Variants in AMMECR1 observed in about 807,000 individuals in gnomAD.
AMMECR1 encodes AMMECR nuclear protein 1.
AMMECR1 carries 3 observed loss-of-function variants against 22.5 expected under a neutral mutation model. That is an observed-to-expected ratio of 0.13 (90% confidence interval 0.06 to 0.35). The LOEUF is 0.35. Ranked by LOEUF, AMMECR1 falls within the 10% of genes least tolerant of loss-of-function variation. AMMECR1 has a pLI of 1.00. For synonymous variants in AMMECR1, 130 were observed against 116.7 expected, an observed-to-expected ratio of 1.11 and a Z score of -0.74; for missense variants, 235 against 278.7, an observed-to-expected ratio of 0.84 and a Z score of 1.12.
rs201681400 is a variant in AMMECR1 at position 110,224,534 on chromosome X, AG to A, written c.585-7903del. Among the ~76,000 whole-genome samples, 856 of 108,518 alleles carry A rather than the reference AG, an allele frequency of 7.9e-3. 8 individuals carry two copies. Among genetic ancestry groups the A allele is most frequent in the African/African-American group, 0.029 (804 of 28,131 alleles). 94.2% of individuals were successfully genotyped at this position (108,518 alleles called of 115,157 possible). ...AGGGAGTTTTACAGAAATAAAAAAA[AG>A]ATATATATATATTTTTCAGAAACAA... On this transcript the variant is annotated intron_variant, in intron 2 of 5. Coordinates refer to ENST00000262844, the MANE Select transcript of AMMECR1 (RefSeq NM_015365.3).
chrX:110,428,810 A>G (rs1210301982), intron 1 of AMMECR1, among the ~76,000 whole-genome samples: 5 of 112,266 alleles, frequency 4.5e-5, no homozygotes, highest in African/African-American at 1.3e-4. Flanking sequence ...GTCCTGGTGC[A>G]AAACGAAAAT....
intron 1 of AMMECR1, among the ~76,000 whole-genome samples, chrX:110,316,127 T>C (rs2068046667): frequency 8.9e-6 from 1 of 111,739 alleles, no homozygotes; most frequent in Admixed American, 9.5e-5. Flanking sequence ...TAAAAGAAAA[T>C]GCACAGACCA....
chrX:110,225,676 C>T (rs993444827), intron 2 of AMMECR1, among the ~76,000 whole-genome samples: 2 of 112,167 alleles, frequency 1.8e-5, no homozygotes, highest in Non-Finnish European at 3.8e-5. Context: ...TTCCTTTAAG[C>T]GTTACATTGG....
chrX:110,330,574 G>C (rs1390385968), intron 2 of AMMECR1, among the ~76,000 whole-genome samples: 1 of 111,971 alleles, frequency 8.9e-6, no homozygotes, highest in Non-Finnish European at 1.9e-5. Context: ...TTTATATTTT[G>C]AATGTCTTTG....
At chrX:110,207,307 T>C (rs1264220815) in intron 3 of AMMECR1, among the ~76,000 whole-genome samples, 1 of 111,782 alleles carries the variant, frequency 8.9e-6, no homozygotes, top group Non-Finnish European at 1.9e-5. Context: ...CTTGAACTTA[T>C]TGCCCCACAG....
chrX:110,223,818 T>C (rs1287938168), intron 2 of AMMECR1, among the ~76,000 whole-genome samples: 1 of 112,050 alleles, frequency 8.9e-6, no homozygotes, highest in Non-Finnish European at 1.9e-5. Flanking sequence ...ATGAGCACTA[T>C]TTCACAGTTC....
chrX:110,343,295 C>G (rs1259084764), intron 2 of AMMECR1, among the ~76,000 whole-genome samples: 1 of 111,769 alleles, frequency 8.9e-6, no homozygotes, highest in African/African-American at 3.3e-5. Flanking sequence ...TTCAACAGCC[C>G]GTCATGCTAA....
At chrX:110,233,824 G>A (rs149042705) in intron 2 of AMMECR1, among the ~76,000 whole-genome samples, 7 of 111,844 alleles carry the variant, frequency 6.3e-5, no homozygotes, top group South Asian at 7.5e-4. Flanking sequence ...TTGATGGAAC[G>A]TATCTCAAAA....
intron 2 of AMMECR1, among the ~76,000 whole-genome samples, chrX:110,333,573 C>A: frequency 9.0e-6 from 1 of 111,639 alleles, no homozygotes; most frequent in Non-Finnish European, 1.9e-5. Flanking sequence ...AGAACCAACC[C>A]AAATGCCCAT....
chrX:110,323,551 A>C (rs1479701008), intron 2 of AMMECR1, among the ~76,000 whole-genome samples: 1 of 112,363 alleles, frequency 8.9e-6, no homozygotes, highest in Non-Finnish European at 1.9e-5. Context: ...TGATGTTTTC[A>C]AGCTTCCTCT....
At chrX:110,325,266 A>C (rs772968733) in intron 2 of AMMECR1, among the ~76,000 whole-genome samples, 3 of 112,334 alleles carry the variant, frequency 2.7e-5, no homozygotes, top group Non-Finnish European at 5.6e-5. Context: ...TGGGATATGC[A>C]TCACCTGAAG....
intron 3 of AMMECR1, among the ~76,000 whole-genome samples, chrX:110,211,368 C>T (rs904551262): frequency 8.9e-6 from 1 of 112,031 alleles, no homozygotes; most frequent in Admixed American, 9.4e-5. Flanking sequence ...TGAGGTGACA[C>T]ACATAGAATC....
Position 110,416,322 on chromosome X carries a change from T to C in AMMECR1, c.-148+10336A>G, listed in dbSNP as rs751161166. Among the ~76,000 whole-genome samples the C allele has an allele frequency of 9.8e-5, 11 of 112,326 alleles. No homozygotes were observed. In the East Asian group the frequency reaches 2.0e-3, roughly 20 times the overall value. On this transcript the variant is annotated intron_variant, in intron 2 of 7. Coordinates refer to the AMMECR1 transcript ENST00000372057. Reference sequence around the variant, plus strand: ...CTGGCTACAAAGGGACAGAGGTATGTATTTATTTTGATTTAACGAACCGTT... The same window carrying C: ...CTGGCTACAAAGGGACAGAGGTATGCATTTATTTTGATTTAACGAACCGTT...
chrX:110,299,547 G>T (rs976803094), intron 1 of AMMECR1, among the ~76,000 whole-genome samples: 2 of 111,860 alleles, frequency 1.8e-5, no homozygotes, highest in African/African-American at 6.5e-5. Flanking sequence ...AGATTTTATA[G>T]ATCAAGGTGT....
chrX:110,431,763 C>G (rs1332296739), intron 1 of AMMECR1, among the ~76,000 whole-genome samples: 1 of 111,908 alleles, frequency 8.9e-6, no homozygotes, highest in African/African-American at 3.3e-5. Context: ...CCAGGACTCA[C>G]TGCTAGAAAA....
intron 2 of AMMECR1, among the ~76,000 whole-genome samples, chrX:110,344,330 T>C (rs1399470019): frequency 8.0e-5 from 9 of 112,182 alleles, no homozygotes; most frequent in East Asian, 2.8e-4. Context: ...TTACACCTTA[T>C]ACAAAAATTA....
chrX:110,438,880 G>A (rs1338497540), intron 1 of AMMECR1, among the ~76,000 whole-genome samples: 2 of 112,011 alleles, frequency 1.8e-5, no homozygotes, highest in Non-Finnish European at 3.8e-5. Context: ...GAAATAAAAG[G>A]GCAAAATATG....
At chrX:110,267,882 C>T (rs2067778091) in intron 1 of AMMECR1, among the ~76,000 whole-genome samples, 1 of 111,828 alleles carries the variant, frequency 8.9e-6, no homozygotes, top group South Asian at 3.7e-4. Flanking sequence ...GGCACTCAAA[C>T]ATAAGATGGG....
intron 2 of AMMECR1, among the ~76,000 whole-genome samples, chrX:110,425,603 C>T (rs2068747580): frequency 1.8e-5 from 2 of 113,015 alleles, no homozygotes. Context: ...ATAATAGTTG[C>T]CCTATAGTGA....
Sources: gnomAD v4.1 joint callset for allele counts (sites outside exome capture counted in the v4.1 genomes callset) on GRCh38, gnomAD v4.1.1 for gene constraint, MANE v1.5 for transcripts, NCBI Gene and HGNC (gene_info 2026-07-23, HGNC 2026-07-21) for gene names.